ADGRG6: variants seen among roughly 807,000 people sequenced by gnomAD.
ADGRG6 encodes the protein adhesion G protein-coupled receptor G6.
A neutral mutation model predicts 142.4 loss-of-function variants in ADGRG6; 84 were observed. The observed-to-expected ratio is 0.59, with a 90% CI of 0.49 to 0.71. The LOEUF is 0.71. ADGRG6 is among the 30% of genes least tolerant of loss of function. The probability of loss-of-function intolerance (pLI) is 0.00; values close to 1 mark genes in which losing one functional copy is unlikely to be tolerated. For missense variants in ADGRG6, 1,367 were observed against 1,466.6 expected (o/e 0.93, Z 1.11); for synonymous variants, 521 against 520.5 (o/e 1.00, Z -0.01).
intron 2 of ADGRG6, among the ~76,000 whole-genome samples, chr6:142,328,973 T>C (rs1778913012): frequency 6.6e-6 from 1 of 152,140 alleles, no homozygotes; most frequent in Non-Finnish European, 1.5e-5. Flanking sequence ...CTCCCTGAGA[T>C]GGTAGTAGAG....
At chr6:142,426,621 C>T (rs1776960075) in intron 22 of ADGRG6, among the ~76,000 whole-genome samples, 1 of 152,202 alleles carries the variant, frequency 6.6e-6, no homozygotes, top group African/African-American at 2.4e-5. Flanking sequence ...TCTCACAGCT[C>T]CACTAGATGG....
chr6:142,371,928 G>A (rs1378514050), intron 4 of ADGRG6, among the ~76,000 whole-genome samples: 1 of 152,124 alleles, frequency 6.6e-6, no homozygotes, highest in African/African-American at 2.4e-5. Context: ...TATCAAAACT[G>A]TCCATTTTAT....
chr6:142,364,484 G>A (rs1780859951), intron 2 of ADGRG6, among the ~76,000 whole-genome samples: 1 of 152,012 alleles, frequency 6.6e-6, no homozygotes, highest in Non-Finnish European at 1.5e-5. Context: ...AAAATTTTAA[G>A]GCACTAATTT....
chr6:142,383,617 A>G, intron 5 of ADGRG6, 143 bp from the exon 6 acceptor site: 2 of 593,742 alleles, frequency 3.4e-6, no homozygotes, highest in Non-Finnish European at 5.9e-6. Context: ...CATCTTATAC[A>G]TTACAACCTT....
At chr6:142,438,447 C>T in intron 24 of ADGRG6, 83 bp downstream of exon 24, 1 of 870,294 alleles carries the variant, frequency 1.1e-6, no homozygotes, top group Non-Finnish European at 1.8e-6. Flanking sequence ...TGATAAATCA[C>T]AGTGCCTAAG....
At position 142,367,576 on chromosome 6, in the gene ADGRG6, A is replaced by T. The variant is rs1781004765; in HGVS notation, c.111A>T (p.Gly37=). Residue 37 remains glycine, a synonymous_variant, in exon 3 of 25, where the codon GGA becomes GGT. Transcript: ENST00000367609. ...YIMCVPHSVW[G]CANCRVVLSN... is the part of the protein sequence containing the mutation. ...CTTTTGTCTGGCCAGCAGTGTGGGG[A>T]TGTGCCAACTGCCGAGTGGTTTTGT... The T allele has an allele frequency of 6.2e-7, 1 of 1,612,608 alleles. No homozygotes were observed. Among genetic ancestry groups the T allele is most frequent in the Non-Finnish European group, 8.5e-7 (1 of 1,179,172 alleles).
chr6:142,338,008 TGTATC>T (rs1562320906), intron 2 of ADGRG6, among the ~76,000 whole-genome samples: 6 of 100,076 alleles, frequency 6.0e-5, no homozygotes, highest in African/African-American at 2.0e-4. Flanking sequence ...TTTTATGCCT[TGTATC>T]TTTGTTTTTT....
chr6:142,422,488 A>T (rs1776710457), intron 22 of ADGRG6, among the ~76,000 whole-genome samples: 1 of 152,240 alleles, frequency 6.6e-6, no homozygotes, highest in Non-Finnish European at 1.5e-5. Flanking sequence ...TACAAAGGAC[A>T]CGAACTCATC....
In ADGRG6 at chr6:142,383,751, T is replaced by C; in HGVS notation, c.1139-9T>C. Reference sequence around the variant, plus strand: ...TGCAAAATTACATCTTTCTCATCTTTATTACCAGCTACTGTAAACTCTCCT... The same window carrying C: ...TGCAAAATTACATCTTTCTCATCTTCATTACCAGCTACTGTAAACTCTCCT... On this transcript the variant is annotated splice_polypyrimidine_tract_variant and intron_variant, in intron 5 of 24. Transcript: ENST00000367609. The C allele has an allele frequency of 1.4e-6, 2 of 1,406,264 alleles. No individual in the cohort carries two copies. Among genetic ancestry groups the C allele is most frequent in the Non-Finnish European group, 2.0e-6 (2 of 995,824 alleles). 87.1% of individuals were successfully genotyped at this position (1,406,264 alleles called of 1,614,324 possible).
At chr6:142,382,548 G>A (rs962913794) in intron 5 of ADGRG6, among the ~76,000 whole-genome samples, 9 of 152,216 alleles carry the variant, frequency 5.9e-5, no homozygotes, top group African/African-American at 1.2e-4. Flanking sequence ...TTACTATATC[G>A]TGGTCAGTAT....
intron 4 of ADGRG6, among the ~76,000 whole-genome samples, chr6:142,376,110 T>C (rs1194732837): frequency 6.6e-6 from 1 of 152,166 alleles, no homozygotes; most frequent in African/African-American, 2.4e-5. Context: ...TCATAACAAT[T>C]TTATTAAATA....
At chr6:142,356,897 TGTTA>T (rs1313467836) in intron 2 of ADGRG6, among the ~76,000 whole-genome samples, 1 of 152,198 alleles carries the variant, frequency 6.6e-6, no homozygotes, top group Admixed American at 6.5e-5. Context: ...ACTTACTAGA[TGTTA>T]GTTGTTGTTA....
chr6:142,426,471 A>G (rs1218363551), intron 22 of ADGRG6, among the ~76,000 whole-genome samples: 4 of 152,162 alleles, frequency 2.6e-5, no homozygotes, highest in Non-Finnish European at 5.9e-5. Context: ...GGGCAGCTCC[A>G]TCCTTGTGGC....
intron 6 of ADGRG6, among the ~76,000 whole-genome samples, chr6:142,387,875 T>C (rs527275899): frequency 3.3e-4 from 51 of 152,310 alleles, no homozygotes; most frequent in Middle Eastern, 3.4e-3. Context: ...CTTAAATCAT[T>C]TTTCCCCAAT....
intron 2 of ADGRG6, among the ~76,000 whole-genome samples, chr6:142,317,938 TTA>T (rs1240499008): frequency 3.8e-3 from 269 of 70,682 alleles, no homozygotes; most frequent in African/African-American, 0.011. Flanking sequence ...TATTTATATA[TTA>T]TATATATTTA....
intron 24 of ADGRG6, among the ~76,000 whole-genome samples, chr6:142,441,830 G>A (rs1777768530): frequency 6.6e-6 from 1 of 152,302 alleles, no homozygotes; most frequent in African/African-American, 2.4e-5. Flanking sequence ...GCCTAATGGG[G>A]AGGGGCCTTT....
rs573270521 is a variant in ADGRG6 at position 142,399,313 on chromosome 6, G to A, written c.1568-1172G>A. Among the ~76,000 whole-genome samples the A allele has an allele frequency of 9.2e-4, 140 of 152,228 alleles. 1 individual carries two copies. The highest frequency in any genetic ancestry group is 3.2e-3 in the African/African-American group (135 of 41,558). On this transcript the variant is annotated intron_variant, in intron 10 of 24. Transcript: ENST00000367609. ...CATCTCTATTGGGTGGATGTACACC[G>A]TTACAAAGAACTCATAGAGATGGAT... is the stretch of plus-strand genomic sequence containing the variant.
chr6:142,307,490 T>C (rs1483445743), intron 1 of ADGRG6, among the ~76,000 whole-genome samples: 1 of 152,078 alleles, frequency 6.6e-6, no homozygotes, highest in African/African-American at 2.4e-5. Flanking sequence ...TCCAAATAAG[T>C]GAACTTTCTA....
chr6:142,434,573 G>A (rs1166642014), intron 22 of ADGRG6, among the ~76,000 whole-genome samples: 1 of 152,010 alleles, frequency 6.6e-6, no homozygotes, highest in East Asian at 1.9e-4. Flanking sequence ...CACCTGCCTT[G>A]GCCTCCCAAA....
Sources: allele counts gnomAD v4.1 joint callset (sites outside exome capture counted in the v4.1 genomes callset), GRCh38; gene constraint gnomAD v4.1.1; transcripts MANE v1.5; gene names NCBI Gene and HGNC (gene_info 2026-07-23, HGNC 2026-07-21).